Variants in CLSTN2 observed in about 807,000 individuals in gnomAD.
CLSTN2 encodes the protein calsyntenin-2.
Under a neutral mutation model 101.2 loss-of-function variants are expected in CLSTN2, and 48 were observed. The observed-to-expected ratio is 0.47, with a 90% CI of 0.38 to 0.60. The LOEUF (loss-of-function observed/expected upper bound fraction) is 0.60, where lower values mean the gene tolerates loss of function less well. Among genes scored for constraint, CLSTN2 ranks in the 20% least tolerant of loss-of-function variants. The pLI, the probability that CLSTN2 is intolerant of heterozygous loss-of-function variation, is 0.00. For synonymous variants in CLSTN2, 481 were observed against 463.6 expected, an observed-to-expected ratio of 1.04 and a Z score of -0.48; for missense variants, 1,160 against 1,238.2, an observed-to-expected ratio of 0.94 and a Z score of 0.95.
chr3:140,513,184 C>G (rs1003739163), intron 8 of CLSTN2, among the ~76,000 whole-genome samples: 13 of 152,132 alleles, frequency 8.5e-5, no homozygotes, highest in Non-Finnish European at 1.0e-4. Context: ...TTGTCTTGTG[C>G]CAGTTTTCAA....
intron 8 of CLSTN2, chr3:140,505,548 T>G (rs1934670557): frequency 6.6e-6 from 1 of 152,192 alleles, no homozygotes; most frequent in Non-Finnish European, 1.5e-5. Flanking sequence ...TTTTTTTGTA[T>G]GTGGAAACAC....
intron 8 of CLSTN2, among the ~76,000 whole-genome samples, chr3:140,528,118 A>G (rs1274638483): frequency 6.6e-6 from 1 of 152,174 alleles, no homozygotes; most frequent in Non-Finnish European, 1.5e-5. Context: ...TTAATTTTCT[A>G]ATAGTGCCTA....
chr3:140,450,334 C>T (rs978138274), intron 6 of CLSTN2, among the ~76,000 whole-genome samples: 5 of 152,134 alleles, frequency 3.3e-5, no homozygotes, highest in African/African-American at 4.8e-5. Context: ...ATCCAGGCCT[C>T]GGGAGCTAGA....
intron 1 of CLSTN2, among the ~76,000 whole-genome samples, chr3:140,062,268 C>CT (rs1463079524): frequency 1.3e-5 from 2 of 152,148 alleles, no homozygotes; most frequent in Non-Finnish European, 2.9e-5. Context: ...AGTTTTCAAT[C>CT]TCAGCAAGTC....
chr3:140,210,714 G>A (rs901671320), intron 2 of CLSTN2, among the ~76,000 whole-genome samples: 1 of 152,104 alleles, frequency 6.6e-6, no homozygotes, highest in African/African-American at 2.4e-5. Flanking sequence ...ACTTTCCTGG[G>A]TATTTCATCT....
chr3:139,985,515 T>G (rs79732261), intron 1 of CLSTN2, among the ~76,000 whole-genome samples: 2,394 of 152,270 alleles, frequency 0.016, 34 homozygotes, highest in Non-Finnish European at 0.026. Context: ...TGGGTGTGTA[T>G]GTCCTGAAAC....
chr3:140,557,507 T>C (rs911896479), intron 11 of CLSTN2, among the ~76,000 whole-genome samples: 7 of 152,144 alleles, frequency 4.6e-5, no homozygotes, highest in Admixed American at 1.3e-4. Flanking sequence ...AGAGAACAAA[T>C]TGGCCTGCGT....
At chr3:140,117,555 G>A (rs1002665027) in intron 1 of CLSTN2, among the ~76,000 whole-genome samples, 1 of 152,166 alleles carries the variant, frequency 6.6e-6, no homozygotes, top group South Asian at 2.1e-4. Flanking sequence ...TAATTAAAAA[G>A]GTGGGTCGCC....
chr3:140,476,629 C>G (rs1177261970), intron 8 of CLSTN2, among the ~76,000 whole-genome samples: 1 of 151,388 alleles, frequency 6.6e-6, no homozygotes, highest in Non-Finnish European at 1.5e-5. Context: ...TCAAGTTCAG[C>G]TCATCAGGAA....
intron 1 of CLSTN2, among the ~76,000 whole-genome samples, chr3:140,073,958 G>A (rs894514521): frequency 6.6e-6 from 1 of 152,126 alleles, no homozygotes; most frequent in African/African-American, 2.4e-5. Context: ...TCGGCTCTCT[G>A]GTGGTCAAGG....
intron 1 of CLSTN2, among the ~76,000 whole-genome samples, chr3:140,122,174 A>G (rs191123439): frequency 3.8e-4 from 58 of 152,304 alleles, no homozygotes; most frequent in Admixed American, 3.5e-3. Context: ...GTTTGACTAC[A>G]ATTATGGCTT....
At chr3:140,089,277 T>C (rs929125684) in intron 1 of CLSTN2, among the ~76,000 whole-genome samples, 2 of 152,162 alleles carry the variant, frequency 1.3e-5, no homozygotes, top group Non-Finnish European at 2.9e-5. Flanking sequence ...CAAGCTTAAT[T>C]CTTCTAGTCT....
intron 1 of CLSTN2, among the ~76,000 whole-genome samples, chr3:140,072,016 T>C (rs1202027629): frequency 2.0e-5 from 3 of 152,168 alleles, no homozygotes; most frequent in East Asian, 1.9e-4. Flanking sequence ...ACATTTCCCA[T>C]GCATAGTTTG....
chr3:140,264,109 C>A (rs1337142147), intron 2 of CLSTN2, among the ~76,000 whole-genome samples: 1 of 152,012 alleles, frequency 6.6e-6, no homozygotes, highest in African/African-American at 2.4e-5. Context: ...CGAGGTGATG[C>A]TCTGGCTTTT....
intron 1 of CLSTN2, among the ~76,000 whole-genome samples, chr3:140,017,567 C>T (rs547624096): frequency 1.5e-4 from 23 of 152,346 alleles, no homozygotes; most frequent in Admixed American, 7.2e-4. Context: ...CCTCCACCTC[C>T]AGGCACATGT....
At chr3:140,388,283 T>A (rs1308747349) in intron 2 of CLSTN2, among the ~76,000 whole-genome samples, 1 of 152,254 alleles carries the variant, frequency 6.6e-6, no homozygotes, top group Non-Finnish European at 1.5e-5. Context: ...AGACTCACTT[T>A]TAGGAGGAAA....
chr3:140,236,151 G>T (rs2086415121), intron 2 of CLSTN2, among the ~76,000 whole-genome samples: 5 of 152,080 alleles, frequency 3.3e-5, no homozygotes. Context: ...GAAACTCTAT[G>T]ACTTTATTTT....
chr3:140,536,539 T>C (rs1406699563), intron 9 of CLSTN2, among the ~76,000 whole-genome samples: 1 of 152,016 alleles, frequency 6.6e-6, no homozygotes, highest in South Asian at 2.1e-4. Flanking sequence ...TCACTGATGG[T>C]CAGAAAGGTA....
At chr3:139,970,372 A>T (rs6785630) in intron 1 of CLSTN2, among the ~76,000 whole-genome samples, 40,219 of 152,054 alleles carry the variant, frequency 0.26, 5,401 homozygotes, top group African/African-American at 0.28. Context: ...TATAATTATG[A>T]TTACATTTTG....
Sources: allele counts gnomAD v4.1 joint callset (sites outside exome capture counted in the v4.1 genomes callset), GRCh38; gene constraint gnomAD v4.1.1; transcripts MANE v1.5; gene names NCBI Gene and HGNC (gene_info 2026-07-23, HGNC 2026-07-21).